AGBL4: variants seen among roughly 807,000 people sequenced by gnomAD.
The protein encoded by AGBL4 is cytosolic carboxypeptidase 6.
A neutral mutation model predicts 66.4 loss-of-function variants in AGBL4; 58 were observed. The observed-to-expected ratio is 0.87, with a 90% confidence interval of 0.71 to 1.09. AGBL4 has a LOEUF of 1.09. AGBL4 is among the 50% of genes least tolerant of loss of function. The pLI, the probability that AGBL4 is intolerant of heterozygous loss-of-function variation, is 0.00. For missense variants in AGBL4, 579 were observed against 631.0 expected (o/e 0.92, Z 0.88); for synonymous variants, 234 against 222.9 (o/e 1.05, Z -0.44).
intron 4 of AGBL4, among the ~76,000 whole-genome samples, chr1:49,095,049 CAG>C (rs905170138): frequency 6.6e-6 from 1 of 152,132 alleles, no homozygotes; most frequent in Non-Finnish European, 1.5e-5. Flanking sequence ...AACAGACAAA[CAG>C]AGAGCCAAAT....
At chr1:49,729,480 C>A (rs1162663859) in intron 2 of AGBL4, among the ~76,000 whole-genome samples, 1 of 152,002 alleles carries the variant, frequency 6.6e-6, no homozygotes, top group African/African-American at 2.4e-5. Flanking sequence ...TGTAGTAAAG[C>A]TCTACATGTG....
intron 6 of AGBL4, chr1:48,817,800 G>GTC (rs1646216472): frequency 8.2e-6 from 4 of 486,010 alleles, no homozygotes; most frequent in Non-Finnish European, 1.5e-5. Context: ...ATCCTGATAT[G>GTC]TCAGGAATAG....
intron 4 of AGBL4, among the ~76,000 whole-genome samples, chr1:49,137,933 C>G (rs1440894157): frequency 6.6e-6 from 1 of 151,842 alleles, no homozygotes; most frequent in Non-Finnish European, 1.5e-5. Flanking sequence ...ATTGAAGCTG[C>G]CTGAAAGAAA....
chr1:49,599,176 T>A (rs1483519795), intron 3 of AGBL4, among the ~76,000 whole-genome samples: 1 of 152,204 alleles, frequency 6.6e-6, no homozygotes, highest in Non-Finnish European at 1.5e-5. Flanking sequence ...TAAGAAGGAA[T>A]GGTAACAGCT....
intron 3 of AGBL4, among the ~76,000 whole-genome samples, chr1:49,549,106 TG>T (rs1292126195): frequency 6.6e-6 from 1 of 152,138 alleles, no homozygotes. Flanking sequence ...TAGCCTTGAA[TG>T]ATCTTTTGTA....
At chr1:49,281,430 T>G (rs781110311) in intron 3 of AGBL4, among the ~76,000 whole-genome samples, 3 of 152,136 alleles carry the variant, frequency 2.0e-5, no homozygotes, top group Non-Finnish European at 4.4e-5. Flanking sequence ...CCAGGACTTG[T>G]GTGGTTTGAA....
At chr1:49,601,071 C>A (rs759948026) in intron 3 of AGBL4, among the ~76,000 whole-genome samples, 48 of 152,088 alleles carry the variant, frequency 3.2e-4, no homozygotes, top group Non-Finnish European at 5.0e-4. Context: ...TTTTTTCCTT[C>A]TTTTCAACCT....
At chr1:49,972,579 C>T (rs1297183330) in intron 1 of AGBL4, among the ~76,000 whole-genome samples, 3 of 152,116 alleles carry the variant, frequency 2.0e-5, no homozygotes, top group East Asian at 1.9e-4. Context: ...CCTAGGAGCT[C>T]GAGAGCACAC....
chr1:48,583,685 A>C (rs1644772793), intron 11 of AGBL4, among the ~76,000 whole-genome samples: 2 of 152,276 alleles, frequency 1.3e-5, no homozygotes, highest in African/African-American at 4.8e-5. Context: ...TGGTGCTGTC[A>C]TCAGAATCCA....
chr1:49,657,902 C>A (rs1333895552), intron 3 of AGBL4, among the ~76,000 whole-genome samples: 1 of 152,082 alleles, frequency 6.6e-6, no homozygotes, highest in Non-Finnish European at 1.5e-5. Flanking sequence ...ACCATGAAAA[C>A]CCTAGAAAAA....
chr1:48,705,263 T>A (rs2148511054), intron 6 of AGBL4, among the ~76,000 whole-genome samples: 1 of 152,034 alleles, frequency 6.6e-6, no homozygotes, highest in Non-Finnish European at 1.5e-5. Context: ...GCAAAAAATG[T>A]ATAAAAAAGA....
chr1:48,772,006 C>T (rs748629804), intron 6 of AGBL4, among the ~76,000 whole-genome samples: 5 of 152,206 alleles, frequency 3.3e-5, no homozygotes, highest in African/African-American at 4.8e-5. Context: ...TGCAGAGGTT[C>T]CTATCTCCCC....
In AGBL4 at chr1:49,339,362, T is replaced by C. The variant is rs554022834; in HGVS notation, c.283-93498A>G. ...TTCCAATGGGAAAGTTTTCAGAGTGTGCCCTATACAATGAGATAATGTTTT... is the reference window on the plus strand; with the variant it reads ...TTCCAATGGGAAAGTTTTCAGAGTGCGCCCTATACAATGAGATAATGTTTT... On this transcript the variant is annotated intron_variant, in intron 3 of 13. Coordinates refer to ENST00000371839, the MANE Select transcript of AGBL4 (RefSeq NM_032785.4). 2.0e-5 allele frequency among the ~76,000 whole-genome samples: 3 copies of C among 152,366 alleles called. No homozygotes were observed. The East Asian group carries it at 5.8e-4, about 29-fold the overall frequency.
intron 7 of AGBL4, among the ~76,000 whole-genome samples, chr1:48,656,663 G>A (rs935958488): frequency 2.6e-5 from 4 of 152,168 alleles, no homozygotes; most frequent in Admixed American, 2.0e-4. Context: ...ATAAAATCAC[G>A]TCCTTTTCAG....
At chr1:48,703,101 A>T (rs1646828122) in intron 6 of AGBL4, among the ~76,000 whole-genome samples, 1 of 152,240 alleles carries the variant, frequency 6.6e-6, no homozygotes, top group Non-Finnish European at 1.5e-5. Flanking sequence ...CTACAGCAAA[A>T]AGGAAACATT....
chr1:49,228,821 T>C (rs974862024), intron 4 of AGBL4, among the ~76,000 whole-genome samples: 2 of 152,104 alleles, frequency 1.3e-5, no homozygotes, highest in Admixed American at 1.3e-4. Flanking sequence ...TCAACAACAT[T>C]CACAGGGCAT....
chr1:49,066,620 C>T (rs1053531699), intron 4 of AGBL4, among the ~76,000 whole-genome samples: 1 of 152,164 alleles, frequency 6.6e-6, no homozygotes, highest in Non-Finnish European at 1.5e-5. Flanking sequence ...CTCAGTATTG[C>T]GAATGCGTAT....
intron 4 of AGBL4, among the ~76,000 whole-genome samples, chr1:49,152,117 T>C (rs192104903): frequency 2.0e-5 from 3 of 152,290 alleles, no homozygotes; most frequent in Admixed American, 6.5e-5. Context: ...AAACTATCAT[T>C]CCCACTTAAT....
intron 3 of AGBL4, among the ~76,000 whole-genome samples, chr1:49,446,285 C>G (rs1032930815): frequency 6.6e-6 from 1 of 152,154 alleles, no homozygotes; most frequent in Admixed American, 6.5e-5. Context: ...TTATTATCTG[C>G]AAACCTTGTG....
Sources: gnomAD v4.1 joint callset for allele counts (sites outside exome capture counted in the v4.1 genomes callset) on GRCh38, gnomAD v4.1.1 for gene constraint, MANE v1.5 for transcripts, NCBI Gene and HGNC (gene_info 2026-07-23, HGNC 2026-07-21) for gene names.